Variants in SULT1B1 observed in about 807,000 individuals in gnomAD.
SULT1B1 encodes sulfotransferase 1B1.
A neutral mutation model predicts 34.6 loss-of-function variants in SULT1B1; 28 were observed. The ratio of observed to expected loss-of-function variants is 0.81; its 90% CI spans 0.60 to 1.11. The LOEUF (loss-of-function observed/expected upper bound fraction) is 1.11, where lower values mean the gene tolerates loss of function less well. Among genes scored for constraint, SULT1B1 ranks in the 50% least tolerant of loss-of-function variants. The probability of loss-of-function intolerance (pLI) is 0.00; values close to 1 mark genes in which losing one functional copy is unlikely to be tolerated. For missense variants in SULT1B1, 374 were observed against 352.2 expected, an observed-to-expected ratio of 1.06 and a Z score of -0.50; for synonymous variants, 147 against 110.2, an observed-to-expected ratio of 1.33 and a Z score of -2.09.
chr4:69,738,801 A>G (rs1718419739), intron 4 of SULT1B1, among the ~76,000 whole-genome samples: 1 of 152,194 alleles, frequency 6.6e-6, no homozygotes, highest in African/African-American at 2.4e-5. Context: ...TCTGCCTGTG[A>G]GCATGTAAAA....
intron 6 of SULT1B1, among the ~76,000 whole-genome samples, chr4:69,731,382 C>T (rs1353242877): frequency 6.6e-6 from 1 of 152,146 alleles, no homozygotes; most frequent in Non-Finnish European, 1.5e-5. Flanking sequence ...CCATATACAG[C>T]CCCCTTGCAC....
intron 3 of SULT1B1, among the ~76,000 whole-genome samples, chr4:69,753,702 G>T (rs1032352937): frequency 6.6e-6 from 1 of 152,094 alleles, no homozygotes. Flanking sequence ...GTTAAATTAA[G>T]TTTAGACTAA....
intron 3 of SULT1B1, among the ~76,000 whole-genome samples, chr4:69,753,855 T>A (rs1393104157): frequency 6.6e-6 from 1 of 152,226 alleles, no homozygotes; most frequent in Non-Finnish European, 1.5e-5. Flanking sequence ...GGCCAGCTCT[T>A]CAGACTGTGT....
intron 3 of SULT1B1, among the ~76,000 whole-genome samples, chr4:69,754,178 C>T (rs1301848358): frequency 6.6e-6 from 1 of 152,124 alleles, no homozygotes; most frequent in Non-Finnish European, 1.5e-5. Flanking sequence ...TTTGACGTCA[C>T]AATATTGCTG....
chr4:69,730,141 T>C (rs913385592), intron 7 of SULT1B1, among the ~76,000 whole-genome samples: 15 of 152,100 alleles, frequency 9.9e-5, no homozygotes, highest in African/African-American at 3.6e-4. Flanking sequence ...TAAGTGAAAT[T>C]AGTATTTCAC....
At position 69,724,507 on chromosome 4, in the gene SULT1B1, A is replaced by G. The variant is rs1408002493; in HGVS notation, c.*2581T>C. ...AGCTACCAATGACTTTCTTCACAGA[A>G]TTGGAAAAAACTACTTTAAAGTTCA... On this transcript the variant is annotated 3_prime_UTR_variant, in exon 8 of 8. Transcript: ENST00000310613. 1 of 152,202 alleles carries G rather than the reference A, an allele frequency of 6.6e-6. No individual in the cohort carries two copies. Among genetic ancestry groups the G allele is most frequent in the East Asian group, 1.9e-4 (1 of 5,196 alleles). The allele number at this position is 152,202 out of a possible 1,614,324, so 9.4% of individuals were successfully genotyped here.
At chr4:69,740,691 T>A (rs920504529) in intron 4 of SULT1B1, among the ~76,000 whole-genome samples, 1 of 152,218 alleles carries the variant, frequency 6.6e-6, no homozygotes, top group South Asian at 2.1e-4. Flanking sequence ...TACTCAGTAA[T>A]AGGATTGCTG....
Position 69,749,703 on chromosome 4 carries a change from A to T in SULT1B1, c.375+18T>A, listed in dbSNP as rs1560529349. ...GATAGGGCCATACTAAAAAACTGAC[A>T]TGGAGTCTGGAGTATACCTTGCAAT... is the stretch of plus-strand genomic sequence containing the variant. On this transcript the variant is annotated intron_variant, in intron 4 of 7. Coordinates refer to ENST00000310613, the MANE Select transcript of SULT1B1 (RefSeq NM_014465.4). 1 of 1,580,272 alleles carries T rather than the reference A, an allele frequency of 6.3e-7. No individual in the cohort carries two copies. Among genetic ancestry groups the T allele is most frequent in the South Asian group, 1.1e-5 (1 of 90,324 alleles).
rs1325525827 is a variant in SULT1B1 at position 69,725,262 on chromosome 4, A to G, written c.*1826T>C. On this transcript the variant is annotated 3_prime_UTR_variant, in exon 8 of 8. Transcript: ENST00000310613. ...AGACATTTATGCAGCCAACAGACAC[A>G]TGAAAAAATGCTCATCATCACTGGC... 2 of 152,224 alleles carry G rather than the reference A, an allele frequency of 1.3e-5. No individual in the cohort carries two copies. The highest frequency in any genetic ancestry group is 2.9e-5 in the Non-Finnish European group (2 of 68,046). The allele number at this position is 152,224 out of a possible 1,614,324, so 9.4% of individuals were successfully genotyped here. A position where few individuals can be genotyped will look rare whatever the true frequency, so the allele number is the denominator to read the frequency against.
intron 3 of SULT1B1, among the ~76,000 whole-genome samples, chr4:69,751,968 G>T (rs2110030406): frequency 6.6e-6 from 1 of 152,152 alleles, no homozygotes; most frequent in African/African-American, 2.4e-5. Flanking sequence ...AACTCATTTT[G>T]GTTCCTTGCC....
At position 69,749,801 on chromosome 4, in the gene SULT1B1, T is replaced by C; in HGVS notation, c.295A>G (p.Lys99Glu). The C allele has an allele frequency of 1.2e-6, 2 of 1,613,254 alleles. No homozygotes were observed. The highest frequency in any genetic ancestry group is 1.7e-6 in the Non-Finnish European group (2 of 1,179,296). Residue 99 changes from lysine to glutamate, a missense_variant, in exon 4 of 8, where the codon AAG (lysine) becomes GAG (glutamate). Physicochemically the swap from Lys to Glu is moderately conservative, Grantham distance 56 (BLOSUM62 1). Coordinates refer to ENST00000310613, the MANE Select transcript of SULT1B1 (RefSeq NM_014465.4). ...TTCACAATCCGGGGTGATGGATTCTTCTCCAATTGTTCTATACCTGAGAAA... is the reference window on the plus strand; with the variant it reads ...TTCACAATCCGGGGTGATGGATTCTCCTCCAATTGTTCTATACCTGAGAAA... ...LRTSGIEQLE[K>E]NPSPRIVKTH...
chr4:69,751,606 C>A (rs1033272653), intron 3 of SULT1B1, among the ~76,000 whole-genome samples: 3 of 152,162 alleles, frequency 2.0e-5, no homozygotes, highest in African/African-American at 7.2e-5. Context: ...CGCCCGCCAC[C>A]ACGCCCGGCT....
intron 2 of SULT1B1, 25 bp from the exon 3 acceptor site, chr4:69,754,823 A>G (rs1307584149): frequency 6.2e-7 from 1 of 1,606,684 alleles, no homozygotes; most frequent in Admixed American, 1.7e-5. Context: ...AACATTTTCA[A>G]AATAATTACC....
intron 3 of SULT1B1, among the ~76,000 whole-genome samples, chr4:69,753,815 C>T (rs1229546650): frequency 2.0e-5 from 3 of 152,172 alleles, no homozygotes; most frequent in African/African-American, 4.8e-5. Flanking sequence ...TACCCTTGTG[C>T]GAATCACCAA....
rs1437673637 is a variant in SULT1B1 at position 69,726,734 on chromosome 4, A to G, written c.*354T>C. 1 of 157,648 alleles carries G rather than the reference A, an allele frequency of 6.3e-6. No individual in the cohort carries two copies. Among genetic ancestry groups the G allele is most frequent in the African/African-American group, 2.4e-5 (1 of 41,744 alleles). The allele number at this position is 157,648 out of a possible 1,614,324, so 9.8% of individuals were successfully genotyped here. On this transcript the variant is annotated 3_prime_UTR_variant, in exon 8 of 8. Coordinates refer to ENST00000310613, the MANE Select transcript of SULT1B1 (RefSeq NM_014465.4). ...TTATGAAAACAGCATTTCTTGGACCATGGTACTAGGGAGGGGAACTTAATT... is the reference window on the plus strand; with the variant it reads ...TTATGAAAACAGCATTTCTTGGACCGTGGTACTAGGGAGGGGAACTTAATT...
Position 69,730,538 on chromosome 4 carries a change from T to A in SULT1B1, c.741A>T (p.Thr247=), listed in dbSNP as rs1310740796. Residue 247 remains threonine (T), a synonymous_variant, in exon 7 of 8, where the codon ACA becomes ACT. Coordinates refer to ENST00000310613, the MANE Select transcript of SULT1B1 (RefSeq NM_014465.4). The stretch of plus-strand genomic sequence containing the variant: ...AAGGGGATTTGCTATGATCCATCAC[T>A]GTAGTTGGTAGATGTGTATAATTTA... ...PLVNYTHLPT[T]VMDHSKSPFM... 2.5e-6 allele frequency: 4 copies of A among 1,611,234 alleles called. No individual in the cohort carries two copies. The East Asian group carries it at 9.0e-5, about 36-fold the overall frequency.
intron 4 of SULT1B1, among the ~76,000 whole-genome samples, chr4:69,742,557 G>T (rs1028256136): frequency 6.6e-6 from 1 of 152,180 alleles, no homozygotes; most frequent in Non-Finnish European, 1.5e-5. Context: ...CTGGCTACTG[G>T]TCTGTTCATG....
chr4:69,744,072 G>A (rs62305404), intron 4 of SULT1B1, among the ~76,000 whole-genome samples: 44,790 of 152,050 alleles, frequency 0.29, 7,699 homozygotes, highest in South Asian at 0.45. Context: ...CCCTGCTTCC[G>A]CTGGCTTCGT....
chr4:69,732,682 A>G (rs539218607), intron 6 of SULT1B1, among the ~76,000 whole-genome samples: 2 of 151,462 alleles, frequency 1.3e-5, no homozygotes, highest in Non-Finnish European at 2.9e-5. Flanking sequence ...GAAGAGTTCC[A>G]TAATGTGGCA....
Sources: gnomAD v4.1 joint callset for allele counts (sites outside exome capture counted in the v4.1 genomes callset) on GRCh38, gnomAD v4.1.1 for gene constraint, MANE v1.5 for transcripts, NCBI Gene and HGNC (gene_info 2026-07-23, HGNC 2026-07-21) for gene names.